Variants in SEMA3G observed in about 807,000 individuals in gnomAD.
SEMA3G encodes the protein semaphorin-3G.
Under a neutral mutation model 86.2 loss-of-function variants are expected in SEMA3G, and 70 were observed. The observed-to-expected ratio is 0.81, with a 90% confidence interval of 0.67 to 0.99. SEMA3G has a LOEUF of 0.99. Among genes scored for constraint, SEMA3G ranks in the 50% least tolerant of loss-of-function variants. SEMA3G has a pLI of 0.00. For missense variants in SEMA3G, 1,002 were observed against 1,072.4 expected (o/e 0.93, Z 0.92); for synonymous variants, 416 against 441.4 (o/e 0.94, Z 0.72).
Position 52,440,527 on chromosome 3 carries a change from G to C in SEMA3G, c.999-6C>G, listed in dbSNP as rs746199687. 3 of 1,605,096 alleles carry C rather than the reference G, an allele frequency of 1.9e-6. No individual in the cohort carries two copies. Among genetic ancestry groups the C allele is most frequent in the Non-Finnish European group, 2.6e-6 (3 of 1,176,358 alleles). On this transcript the variant is annotated splice_polypyrimidine_tract_variant and splice_region_variant and intron_variant, in intron 9 of 15. Coordinates refer to ENST00000231721, the MANE Select transcript of SEMA3G (RefSeq NM_020163.3). ...CGAAGCCCTGGAACACGGCACTGCCGGGGCACATGGGACAGTCAGGCCAGA... is the reference window on the plus strand; with the variant it reads ...CGAAGCCCTGGAACACGGCACTGCCCGGGCACATGGGACAGTCAGGCCAGA...
At position 52,442,628 on chromosome 3, in the gene SEMA3G, C is replaced by T. The variant is rs765129037; in HGVS notation, c.277-7G>A. ...GCTGCGGTGGCCACAGGACCTGGAA[C>T]ACAGCCCCGCTGACCTCAGGTCCTC... On this transcript the variant is annotated splice_region_variant and splice_polypyrimidine_tract_variant and intron_variant, in intron 2 of 15. Coordinates refer to ENST00000231721, the MANE Select transcript of SEMA3G (RefSeq NM_020163.3). The surrounding 1 kb of genome is among the most constrained non-coding windows in gnomAD (Gnocchi z 6.1). 2 of 1,614,038 alleles carry T rather than the reference C, an allele frequency of 1.2e-6. No homozygotes were observed. The highest frequency in any genetic ancestry group is 1.7e-6 in the Non-Finnish European group (2 of 1,180,016).
At chr3:52,440,186 GA>G in intron 10 of SEMA3G, 88 bp from the exon 11 acceptor site, 2 of 1,263,474 alleles carry the variant, frequency 1.6e-6, no homozygotes, top group Non-Finnish European at 2.2e-6. Flanking sequence ...CAACCAGGGG[GA>G]CCTCTCTCAC....
At chr3:52,443,881 T>C (rs1706208306) in intron 1 of SEMA3G, among the ~76,000 whole-genome samples, 1 of 152,164 alleles carries the variant, frequency 6.6e-6, no homozygotes, top group African/African-American at 2.4e-5. Flanking sequence ...GTCACCCCTC[T>C]GGTTTCCTCA....
chr3:52,442,088 C>A lies in SEMA3G; in HGVS notation c.459+97G>T. On this transcript the variant is annotated intron_variant, in intron 4 of 15. Coordinates refer to ENST00000231721, the MANE Select transcript of SEMA3G (RefSeq NM_020163.3). The surrounding 1 kb of genome is among the most constrained non-coding windows in gnomAD (Gnocchi z 6.1). ...CACAAAGGCGCCTTTCAGGCCCCTGCCCCTCTGTCCCTACCCAGGCTCAAT... is the reference window on the plus strand; with the variant it reads ...CACAAAGGCGCCTTTCAGGCCCCTGACCCTCTGTCCCTACCCAGGCTCAAT... 6.7e-7 allele frequency: 1 copy of A among 1,483,436 alleles called. No homozygotes were observed. Among genetic ancestry groups the A allele is most frequent in the Non-Finnish European group, 9.1e-7 (1 of 1,104,210 alleles). 91.9% of individuals were successfully genotyped at this position (1,483,436 alleles called of 1,614,324 possible). A position where few individuals can be genotyped will look rare whatever the true frequency, so the allele number is the denominator to read the frequency against.
intron 5 of SEMA3G, 60 bp from the exon 6 acceptor site, chr3:52,441,750 C>G: frequency 6.3e-7 from 1 of 1,589,310 alleles, no homozygotes; most frequent in African/African-American, 1.3e-5. Flanking sequence ...CAGCCGGGTC[C>G]CTCCCTTCCC....
chr3:52,441,826 G>C lies in SEMA3G; in HGVS notation c.543C>G (p.Thr181=). Residue 181 remains threonine, a synonymous_variant, in exon 5 of 16, where the codon ACC becomes ACG. Coordinates refer to ENST00000231721, the MANE Select transcript of SEMA3G (RefSeq NM_020163.3). ...GGCCTGGGCATCACCCACCTATGAAGGTGCTGGCAAAGGGACGGCTGGGCT... is the reference window on the plus strand; with the variant it reads ...GGCCTGGGCATCACCCACCTATGAACGTGCTGGCAAAGGGACGGCTGGGCT... ...PHEPSRPFAS[T]FIDGELYTGL... The C allele has an allele frequency of 5.6e-6, 9 of 1,607,424 alleles. No homozygotes were observed. The highest frequency in any genetic ancestry group is 7.6e-6 in the Non-Finnish European group (9 of 1,177,074).
chr3:52,438,026 C>A lies in SEMA3G; in HGVS notation c.1683G>T (p.Arg561=), dbSNP rs748109642. The change falls in exon 14 of 16, where the codon CGG becomes CGT. Residue 561 remains arginine, a synonymous_variant. Coordinates refer to ENST00000231721, the MANE Select transcript of SEMA3G (RefSeq NM_020163.3). ...CAGGGTTGCCGTGCCGGATGTCCTG[C>A]CGGCGGAACCGGCGCTTGCCAAGGC... ...RPSLGKRRFR[R]QDIRHGNPAL... 3.7e-6 allele frequency: 6 copies of A among 1,612,934 alleles called. No homozygotes were observed. The highest frequency in any genetic ancestry group is 4.2e-6 in the Non-Finnish European group (5 of 1,179,986).
At chr3:52,441,159 C>T in intron 7 of SEMA3G, 105 bp downstream of exon 7, 3 of 1,511,982 alleles carry the variant, frequency 2.0e-6, no homozygotes, top group Non-Finnish European at 2.7e-6. Flanking sequence ...GCTTTGCATC[C>T]TTGCCTCAGT....
chr3:52,442,023 G>C lies in SEMA3G; in HGVS notation c.460-114C>G, dbSNP rs1053414321. The C allele has an allele frequency of 1.2e-5, 16 of 1,310,104 alleles. No homozygotes were observed. In the South Asian group the frequency reaches 2.2e-4, roughly 18 times the overall value. 81.2% of individuals were successfully genotyped at this position (1,310,104 alleles called of 1,614,324 possible). On this transcript the variant is annotated intron_variant, in intron 4 of 15. Transcript: ENST00000231721. The surrounding 1 kb of genome is among the most constrained non-coding windows in gnomAD (Gnocchi z 6.1). ...CAGAGAGCGGGGGTGGGCGGAAGGC[G>C]TCCTCATCCAGGGCCCCTCTAATGG...
At chr3:52,437,368 C>T (rs1477009322) in intron 15 of SEMA3G, among the ~76,000 whole-genome samples, 159 bp downstream of exon 15, 2 of 152,182 alleles carry the variant, frequency 1.3e-5, no homozygotes, top group Non-Finnish European at 2.9e-5. Context: ...AAATAGGGCA[C>T]CTCCTTCTAG....
Position 52,439,890 on chromosome 3 carries a change from T to C in SEMA3G, c.1352A>G (p.Tyr451Cys). 1 of 1,613,428 alleles carries C rather than the reference T, an allele frequency of 6.2e-7. No homozygotes were observed. The highest frequency in any genetic ancestry group is 8.5e-7 in the Non-Finnish European group (1 of 1,179,750). ...ACCAGTCCCCAGGAAAATGACATCG[T>C]AGGTCCCATCCTCTGCCTCCACGCG... ...VDRVEAEDGT[Y>C]DVIFLGTDSG... Residue 451 changes from tyrosine (Y) to cysteine (C), a missense_variant, in exon 11 of 16, where the codon TAC becomes TGC. Tyr to Cys is a radical substitution (Grantham distance 194). Transcript: ENST00000231721.
chr3:52,442,565 A>T lies in SEMA3G; in HGVS notation c.333T>A (p.Asp111Glu). The change falls in exon 3 of 16, where the codon GAT (aspartate) becomes GAA (glutamate). Residue 111 changes from aspartate to glutamate, a missense_variant. Physicochemically the swap from Asp to Glu is conservative, Grantham distance 45 (BLOSUM62 2). Coordinates refer to ENST00000231721, the MANE Select transcript of SEMA3G (RefSeq NM_020163.3). This position sits in a 1 kb window ranked among gnomAD's most constrained non-coding sequence, Gnocchi z 6.1. ...QREECVRKGR[D>E]PLTECANFVR... Reference sequence around the variant, plus strand: ...CCCTCCCGACAGCACTCACCAAAGGATCTCTTCCCTTTCGAACACACTCCT... The same window carrying T: ...CCCTCCCGACAGCACTCACCAAAGGTTCTCTTCCCTTTCGAACACACTCCT... The T allele has an allele frequency of 1.9e-6, 3 of 1,613,882 alleles. No homozygotes were observed. Among genetic ancestry groups the T allele is most frequent in the East Asian group, 2.2e-5 (1 of 44,852 alleles).
chr3:52,441,750 C>T (rs1423498529), intron 5 of SEMA3G, 60 bp from the exon 6 acceptor site: 14 of 1,589,192 alleles, frequency 8.8e-6, no homozygotes, highest in Non-Finnish European at 1.2e-5. Flanking sequence ...CAGCCGGGTC[C>T]CTCCCTTCCC....
Position 52,434,655 on chromosome 3 carries a change from C to G in SEMA3G, c.*948G>C, listed in dbSNP as rs1347402230. 1 of 152,258 alleles carries G rather than the reference C, an allele frequency of 6.6e-6. No individual in the cohort carries two copies. The highest frequency in any genetic ancestry group is 2.4e-5 in the African/African-American group (1 of 41,438). The allele number at this position is 152,258 out of a possible 1,614,324, so 9.4% of individuals were successfully genotyped here. ...GCTCACAGAGCCTCCACATTCCCAG[C>G]CTCCAGGGCTGCGGCATGCTTGCAT... On this transcript the variant is annotated 3_prime_UTR_variant, in exon 16 of 16. Coordinates refer to ENST00000231721, the MANE Select transcript of SEMA3G (RefSeq NM_020163.3). The surrounding 1 kb of genome is among the most constrained non-coding windows in gnomAD (Gnocchi z 5.2).
chr3:52,441,853 G>A lies in SEMA3G; in HGVS notation c.516C>T (p.His172=), dbSNP rs372103966. 3.3e-4 allele frequency: 524 copies of A among 1,600,274 alleles called. 2 individuals carry two copies. Among genetic ancestry groups the A allele is most frequent in the South Asian group, 7.3e-4 (65 of 89,346 alleles). The part of the protein sequence containing the change: ...SVESGRGRCP[H]EPSRPFASTF... ...TGCTGGCAAAGGGACGGCTGGGCTC[G>A]TGAGGGCACCGCCCCCGGCCACTTT... Residue 172 remains histidine (H), a synonymous_variant, in exon 5 of 16, where the codon CAC becomes CAT. Coordinates refer to ENST00000231721, the MANE Select transcript of SEMA3G (RefSeq NM_020163.3).
chr3:52,433,992 C>T lies in SEMA3G; in HGVS notation c.*1611G>A, dbSNP rs1705998843. Reference sequence around the variant, plus strand: ...ATGGTCAAAGGGGAGAACGGAGGGACTATTTCAGGTCCCAGTTCTCTGGAG... The same window carrying T: ...ATGGTCAAAGGGGAGAACGGAGGGATTATTTCAGGTCCCAGTTCTCTGGAG... On this transcript the variant is annotated 3_prime_UTR_variant, in exon 16 of 16. Coordinates refer to ENST00000231721, the MANE Select transcript of SEMA3G (RefSeq NM_020163.3). The T allele has an allele frequency of 6.6e-6, 1 of 152,156 alleles. No individual in the cohort carries two copies. The highest frequency in any genetic ancestry group is 2.4e-5 in the African/African-American group (1 of 41,432). The allele number at this position is 152,156 out of a possible 1,614,324, so 9.4% of individuals were successfully genotyped here.
chr3:52,445,014 G>T lies in SEMA3G; in HGVS notation c.14C>A (p.Ala5Asp). 3 of 1,283,158 alleles carry T rather than the reference G, an allele frequency of 2.3e-6. No individual in the cohort carries two copies. Among genetic ancestry groups the T allele is most frequent in the South Asian group, 2.9e-5 (1 of 34,580 alleles). The allele number at this position is 1,283,158 out of a possible 1,614,324, so 79.5% of individuals were successfully genotyped here. A position where few individuals can be genotyped will look rare whatever the true frequency, so the allele number is the denominator to read the frequency against. The change falls in exon 1 of 16, where the codon GCC becomes GAC. Residue 5 changes from alanine (A) to aspartate (D), a missense_variant. By Grantham distance (126) the Ala-to-Asp change is moderately radical. Transcript: ENST00000231721. MAPS[A>D]WAICWLLGGL... is the part of the protein sequence containing the mutation. ...CCCTAGCAGCCAGCAAATGGCCCAG[G>T]CCGAGGGGGCCATGCTGGGGAACTG...
chr3:52,437,915 G>C, intron 14 of SEMA3G, 56 bp downstream of exon 14: 1 of 1,491,694 alleles, frequency 6.7e-7, no homozygotes, highest in African/African-American at 1.4e-5. Context: ...GGGTGGAGCC[G>C]GGCCACAGGG....
chr3:52,445,013 G>T lies in SEMA3G; in HGVS notation c.15C>A (p.Ala5=). The change falls in exon 1 of 16, where the codon GCC becomes GCA. Residue 5 remains alanine (A), a synonymous_variant. Transcript: ENST00000231721. Reference sequence around the variant, plus strand: ...CCCCTAGCAGCCAGCAAATGGCCCAGGCCGAGGGGGCCATGCTGGGGAACT... The same window carrying T: ...CCCCTAGCAGCCAGCAAATGGCCCATGCCGAGGGGGCCATGCTGGGGAACT... MAPS[A]WAICWLLGGL... is the part of the protein sequence containing the mutation. 1 of 1,283,392 alleles carries T rather than the reference G, an allele frequency of 7.8e-7. No homozygotes were observed. The highest frequency in any genetic ancestry group is 9.9e-7 in the Non-Finnish European group (1 of 1,009,328). 79.5% of individuals were successfully genotyped at this position (1,283,392 alleles called of 1,614,324 possible).
Sources: allele counts gnomAD v4.1 joint callset (sites outside exome capture counted in the v4.1 genomes callset), GRCh38; gene constraint gnomAD v4.1.1; non-coding constraint Gnocchi (gnomAD v3.1); transcripts MANE v1.5; gene names NCBI Gene and HGNC (gene_info 2026-07-23, HGNC 2026-07-21).